ABCA13: variants seen among roughly 807,000 people sequenced by gnomAD.
The protein encoded by ABCA13 is ATP-binding cassette sub-family A member 13.
A neutral mutation model predicts 478.7 loss-of-function variants in ABCA13; 476 were observed. The ratio of observed to expected loss-of-function variants is 0.99; its 90% CI spans 0.92 to 1.07. ABCA13 has a LOEUF of 1.07. ABCA13 is among the 50% of genes least tolerant of loss of function. ABCA13 has a pLI of 0.00. For missense variants in ABCA13, 6,060 were observed against 5,910.6 expected, an observed-to-expected ratio of 1.03 and a Z score of -0.83; for synonymous variants, 2,252 against 2,158.9, an observed-to-expected ratio of 1.04 and a Z score of -1.20.
chr7:48,524,225 T>C, intron 53 of ABCA13, 23 bp from the exon 54 acceptor site: 1 of 1,601,026 alleles, frequency 6.2e-7, no homozygotes. Context: ...AGGTGTGAAT[T>C]CACTCTGATT....
intron 23 of ABCA13, among the ~76,000 whole-genome samples, chr7:48,298,767 G>A (rs1000172886): frequency 6.6e-6 from 1 of 152,158 alleles, no homozygotes; most frequent in Non-Finnish European, 1.5e-5. Flanking sequence ...TTATTCTGTT[G>A]ATTTCCAGCC....
intron 55 of ABCA13, among the ~76,000 whole-genome samples, chr7:48,571,591 C>G (rs1404686467): frequency 6.6e-6 from 1 of 151,546 alleles, no homozygotes; most frequent in Non-Finnish European, 1.5e-5. Context: ...CCTGGAGATT[C>G]TTTTTACACT....
At chr7:48,372,532 A>AC in intron 33 of ABCA13, 35 bp downstream of exon 33, 1 of 1,448,338 alleles carries the variant, frequency 6.9e-7, no homozygotes, top group Non-Finnish European at 9.3e-7. Context: ...AAAAAAAAAA[A>AC]ACAACAAAAT....
chr7:48,424,664 A>C (rs540045712), intron 41 of ABCA13, among the ~76,000 whole-genome samples: 2 of 152,328 alleles, frequency 1.3e-5, no homozygotes, highest in Admixed American at 1.3e-4. Flanking sequence ...GCCTTCTTGT[A>C]AGTTTTCTTT....
At chr7:48,185,785 T>C (rs1796273834) in intron 1 of ABCA13, among the ~76,000 whole-genome samples, 1 of 152,096 alleles carries the variant, frequency 6.6e-6, no homozygotes, top group Non-Finnish European at 1.5e-5. Flanking sequence ...GGATTCTCCT[T>C]CTATGAAGGT....
At chr7:48,383,375 A>T (rs1000642018) in intron 35 of ABCA13, among the ~76,000 whole-genome samples, 2 of 152,158 alleles carry the variant, frequency 1.3e-5, no homozygotes, top group Non-Finnish European at 2.9e-5. Flanking sequence ...ATGTGGGTAT[A>T]CGTATGTGTG....
chr7:48,293,487 G>T (rs1798878942), intron 20 of ABCA13, among the ~76,000 whole-genome samples: 1 of 152,134 alleles, frequency 6.6e-6, no homozygotes, highest in South Asian at 2.1e-4. Context: ...CTGGAACTAT[G>T]CTTCCAATAT....
At chr7:48,597,453 A>G (rs1221706535) in intron 58 of ABCA13, among the ~76,000 whole-genome samples, 1 of 152,176 alleles carries the variant, frequency 6.6e-6, no homozygotes, top group Non-Finnish European at 1.5e-5. Context: ...ATGTATAGAC[A>G]TGTTTTAATT....
intron 38 of ABCA13, among the ~76,000 whole-genome samples, chr7:48,395,297 T>C (rs933852942): frequency 2.0e-5 from 3 of 152,064 alleles, no homozygotes; most frequent in African/African-American, 7.2e-5. Flanking sequence ...TGGGGGCTCC[T>C]GCACTAAGAA....
intron 7 of ABCA13, among the ~76,000 whole-genome samples, chr7:48,231,426 T>C (rs2128992766): frequency 6.6e-6 from 1 of 152,278 alleles, no homozygotes; most frequent in Non-Finnish European, 1.5e-5. Context: ...CTGTGAATGT[T>C]TGACATTCAG....
chr7:48,229,997 A>G, intron 7 of ABCA13, 42 bp downstream of exon 7: 1 of 1,579,700 alleles, frequency 6.3e-7, no homozygotes, highest in Non-Finnish European at 8.6e-7. Context: ...CAAAACGTTT[A>G]ACTACTTAAA....
At chr7:48,401,503 C>G (rs1817596541) in intron 38 of ABCA13, among the ~76,000 whole-genome samples, 1 of 152,084 alleles carries the variant, frequency 6.6e-6, no homozygotes, top group Admixed American at 6.6e-5. Flanking sequence ...TCATTGTGTC[C>G]TAATTGGATA....
At chr7:48,211,265 C>G (rs770307070) in intron 3 of ABCA13, among the ~76,000 whole-genome samples, 4 of 152,136 alleles carry the variant, frequency 2.6e-5, no homozygotes, top group Non-Finnish European at 5.9e-5. Context: ...GAGGACTTTC[C>G]AAGAATTCAA....
At chr7:48,513,190 G>T (rs1039316080) in intron 51 of ABCA13, among the ~76,000 whole-genome samples, 3 of 152,198 alleles carry the variant, frequency 2.0e-5, no homozygotes, top group African/African-American at 7.2e-5. Flanking sequence ...GGTACACGGA[G>T]CCCAAGGGCA....
intron 59 of ABCA13, among the ~76,000 whole-genome samples, chr7:48,630,664 A>T (rs1026054971): frequency 6.6e-6 from 1 of 152,212 alleles, no homozygotes; most frequent in East Asian, 1.9e-4. Context: ...TCCTTTGGGT[A>T]TATACCCAAT....
chr7:48,563,794 TTGTG>T (rs200813371), intron 55 of ABCA13, among the ~76,000 whole-genome samples: 8,992 of 101,240 alleles, frequency 0.089, 327 homozygotes, highest in East Asian at 0.2. Flanking sequence ...TGTTTACTGC[TTGTG>T]TGTGTGTGTG....
rs1584575067 is a variant in ABCA13 at position 48,276,378 on chromosome 7, A to G, written c.6712A>G (p.Ile2238Val). 1 of 1,551,232 alleles carries G rather than the reference A, an allele frequency of 6.4e-7. No homozygotes were observed. The highest frequency in any genetic ancestry group is 2.3e-5 in the East Asian group (1 of 44,198). Residue 2238 changes from isoleucine (I) to valine (V), a missense_variant, in exon 17 of 62, where the codon ATT becomes GTT. Coordinates refer to ENST00000435803, the MANE Select transcript of ABCA13 (RefSeq NM_152701.5). Reference sequence around the variant, plus strand: ...TACTGACCTTCAAATAATGAATTTCATTAACCTTATCTTGAACCATATGCA... The same window carrying G: ...TACTGACCTTCAAATAATGAATTTCGTTAACCTTATCTTGAACCATATGCA... ...NDTDLQIMNF[I>V]NLILNHMQSE...
intron 31 of ABCA13, among the ~76,000 whole-genome samples, chr7:48,355,006 A>G (rs886423359): frequency 6.9e-5 from 10 of 144,252 alleles, no homozygotes; most frequent in Middle Eastern, 3.6e-3. Flanking sequence ...TAGACTGAAT[A>G]AGTAAAGAAA....
At chr7:48,377,094 C>CTGTGGT (rs775830342) in intron 35 of ABCA13, among the ~76,000 whole-genome samples, 9 of 151,722 alleles carry the variant, frequency 5.9e-5, no homozygotes, top group Admixed American at 1.3e-4. Flanking sequence ...AGGGCTTTCA[C>CTGTGGT]TGTTGTCACG....
Sources: gnomAD v4.1 joint callset for allele counts (sites outside exome capture counted in the v4.1 genomes callset) on GRCh38, gnomAD v4.1.1 for gene constraint, MANE v1.5 for transcripts, NCBI Gene and HGNC (gene_info 2026-07-23, HGNC 2026-07-21) for gene names.